The following COL6A2 variants were observed in gnomAD, a reference collection of about 807,000 sequenced individuals.
COL6A2 encodes collagen alpha-2(VI) chain.
In COL6A2, 90 loss-of-function variants were observed where a neutral mutation model predicts 124.9. The observed-to-expected ratio is 0.72, with a 90% CI of 0.61 to 0.86. The LOEUF (loss-of-function observed/expected upper bound fraction) is 0.86, where lower values mean the gene tolerates loss of function less well. Among genes scored for constraint, COL6A2 ranks in the 40% least tolerant of loss-of-function variants. COL6A2 has a pLI of 0.00. For missense variants in COL6A2, 1,607 were observed against 1,502.5 expected, an observed-to-expected ratio of 1.07 and a Z score of -1.15; for synonymous variants, 793 against 618.2, an observed-to-expected ratio of 1.28 and a Z score of -4.19.
At chr21:46,127,166 G>A (rs575299886) in intron 27 of COL6A2, among the ~76,000 whole-genome samples, 1 of 152,158 alleles carries the variant, frequency 6.6e-6, no homozygotes. Flanking sequence ...GTCCCCGGGG[G>A]CGTTAGGAGC....
chr21:46,123,909 G>GA (rs879756662), intron 21 of COL6A2, among the ~76,000 whole-genome samples: 73,746 of 142,340 alleles, frequency 0.52, 19,246 homozygotes, highest in Admixed American at 0.6. Flanking sequence ...ATGGATGGGT[G>GA]GGTGGATAGA....
rs756221937 is a variant in COL6A2 at position 46,126,491 on chromosome 21, CCT to C, written c.2423-7_2423-6del. ...GACCCTGGCCTGGCCCGGCCTCTCT[CCT>C]CTCTTCCAGACCCTCAGATCGTGTG... On this transcript the variant is annotated splice_polypyrimidine_tract_variant and intron_variant, in intron 26 of 27. Transcript: ENST00000300527. 1.6e-5 allele frequency: 26 copies of C among 1,612,650 alleles called. No homozygotes were observed. Among genetic ancestry groups the C allele is most frequent in the Middle Eastern group, 1.6e-4 (1 of 6,080 alleles).
intron 23 of COL6A2, 69 bp downstream of exon 23, chr21:46,124,989 T>G (rs1601247158): frequency 6.4e-7 from 1 of 1,574,454 alleles, no homozygotes; most frequent in Non-Finnish European, 8.7e-7. Context: ...GCAGCAGGGG[T>G]GGGGGAAGGT....
At position 46,117,858 on chromosome 21, in the gene COL6A2, C is replaced by T. The variant is rs759513214; in HGVS notation, c.1054-16C>T. On this transcript the variant is annotated splice_polypyrimidine_tract_variant and intron_variant, in intron 11 of 27. Coordinates refer to ENST00000300527, the MANE Select transcript of COL6A2 (RefSeq NM_001849.4). Reference sequence around the variant, plus strand: ...ACCCGCCGTGTGCCGAGCTCCACCTCTCACTCCTCTCTCAGGGCCCCGACG... The same window carrying T: ...ACCCGCCGTGTGCCGAGCTCCACCTTTCACTCCTCTCTCAGGGCCCCGACG... 1.2e-6 allele frequency: 2 copies of T among 1,607,482 alleles called. No homozygotes were observed. The highest frequency in any genetic ancestry group is 4.5e-5 in the East Asian group (2 of 44,648).
At chr21:46,111,429 C>A in intron 1 of COL6A2, 21 bp from the exon 2 acceptor site, 1 of 1,439,006 alleles carries the variant, frequency 6.9e-7, no homozygotes. Context: ...GGTGTCTGAG[C>A]GACCCCCACC....
chr21:46,128,810 T>A (rs905460230), intron 27 of COL6A2: 23 of 1,035,746 alleles, frequency 2.2e-5, no homozygotes, highest in South Asian at 1.4e-4. Flanking sequence ...GCAAGCTTTC[T>A]CAGGCGGGCT....
rs776870777 is a variant in COL6A2, at chr21:46,125,841, C to G, written c.2026C>G (p.Leu676Val). The part of the protein sequence containing the change: ...SHEGTFEAIQ[L>V]DDERIDSLSS... Reference sequence around the variant, plus strand: ...CGAGGGCACCTTTGAGGCCATCCAGCTGGACGACGAACGTATCGACTCCCT... The same window carrying G: ...CGAGGGCACCTTTGAGGCCATCCAGGTGGACGACGAACGTATCGACTCCCT... The change falls in exon 26 of 28, where the codon CTG becomes GTG. Residue 676 changes from leucine (L) to valine (V), a missense_variant. Coordinates refer to ENST00000300527, the MANE Select transcript of COL6A2 (RefSeq NM_001849.4). The G allele has an allele frequency of 6.2e-7, 1 of 1,612,918 alleles. No homozygotes were observed. Among genetic ancestry groups the G allele is most frequent in the East Asian group, 2.2e-5 (1 of 44,824 alleles).
intron 1 of COL6A2, among the ~76,000 whole-genome samples, 190 bp from the exon 2 acceptor site, chr21:46,111,255 AGGGTG>A (rs1329048028): frequency 6.6e-6 from 1 of 152,184 alleles, no homozygotes; most frequent in Non-Finnish European, 1.5e-5. Context: ...GACCCCACCC[AGGGTG>A]GGGCAAGAGG....
Position 46,124,873 on chromosome 21 carries a change from T to A in COL6A2, c.1735-12T>A, listed in dbSNP as rs764006208. On this transcript the variant is annotated splice_polypyrimidine_tract_variant and intron_variant, in intron 22 of 27. Coordinates refer to ENST00000300527, the MANE Select transcript of COL6A2 (RefSeq NM_001849.4). ...TGGCCCCAGAGTCTCAGCCTCATCC[T>A]TCCTTCCCCAGGGTGAGCCCGGCCC... is the stretch of plus-strand genomic sequence containing the variant. The A allele has an allele frequency of 6.2e-7, 1 of 1,612,732 alleles. No homozygotes were observed. Among genetic ancestry groups the A allele is most frequent in the Non-Finnish European group, 8.5e-7 (1 of 1,179,978 alleles).
At chr21:46,124,595 T>A (rs538737781) in intron 21 of COL6A2, 56 bp from the exon 22 acceptor site, 13 of 1,549,906 alleles carry the variant, frequency 8.4e-6, no homozygotes, top group African/African-American at 5.5e-5. Context: ...GGCCCTGCTG[T>A]GTGCAGGGAC....
chr21:46,121,485 C>T lies in COL6A2; in HGVS notation c.1459-71C>T, dbSNP rs972240111. On this transcript the variant is annotated intron_variant, in intron 17 of 27. Coordinates refer to ENST00000300527, the MANE Select transcript of COL6A2 (RefSeq NM_001849.4). Reference sequence around the variant, plus strand: ...GCCTGGTGGTCAGGGCTGGACGGGGCATGTCAGGTGACCCCTGGGCATGGC... The same window carrying T: ...GCCTGGTGGTCAGGGCTGGACGGGGTATGTCAGGTGACCCCTGGGCATGGC... The T allele has an allele frequency of 2.8e-6, 4 of 1,450,950 alleles. No homozygotes were observed. The African/African-American group carries it at 4.2e-5, about 15-fold the overall frequency. 89.9% of individuals were successfully genotyped at this position (1,450,950 alleles called of 1,614,324 possible). A position where few individuals can be genotyped will look rare whatever the true frequency, so the allele number is the denominator to read the frequency against.
chr21:46,132,189 G>A lies in COL6A2; in HGVS notation c.2697G>A (p.Thr899=), dbSNP rs11554669. 5.7e-5 allele frequency: 90 copies of A among 1,575,714 alleles called. No individual in the cohort carries two copies. Among genetic ancestry groups the A allele is most frequent in the Admixed American group, 1.5e-4 (8 of 54,318 alleles). Residue 899 remains threonine, a synonymous_variant, in exon 28 of 28, where the codon ACG becomes ACA. Coordinates refer to ENST00000300527, the MANE Select transcript of COL6A2 (RefSeq NM_001849.4). ...CCTTCCCGCTGAGCCACAACCTCAC[G>A]GCCATCCACGAGGCGCTGGAGACCA... ...QVAFPLSHNL[T]AIHEALETTQ...
rs549347602 is a variant in COL6A2 at position 46,113,053 on chromosome 21, G to A, written c.735+229G>A. On this transcript the variant is annotated intron_variant, in intron 4 of 27. Coordinates refer to ENST00000300527, the MANE Select transcript of COL6A2 (RefSeq NM_001849.4). ...AGCGTTAGGGTCACCCACAGAGCAC[G>A]TGTTACAAGGAGAGGTCGAGGGTCT... 61 of 614,250 alleles carry A rather than the reference G, an allele frequency of 9.9e-5. 1 individual carries two copies. Among genetic ancestry groups the A allele is most frequent in the South Asian group, 6.4e-4 (33 of 51,744 alleles). 38.0% of individuals were successfully genotyped at this position (614,250 alleles called of 1,614,324 possible).
intron 18 of COL6A2, among the ~76,000 whole-genome samples, 184 bp downstream of exon 18, chr21:46,121,802 C>G (rs1288633082): frequency 6.6e-6 from 1 of 152,162 alleles, no homozygotes; most frequent in African/African-American, 2.4e-5. Flanking sequence ...CCCTGGCTCT[C>G]CTCTTCAGCA....
Position 46,132,567 on chromosome 21 carries a change from C to T in COL6A2, c.*15C>T. The T allele has an allele frequency of 1.3e-6, 2 of 1,579,584 alleles. No individual in the cohort carries two copies. The highest frequency in any genetic ancestry group is 1.7e-6 in the Non-Finnish European group (2 of 1,168,514). The stretch of plus-strand genomic sequence containing the variant: ...GGATCTGCTAGCGCCGCCGCCCGGG[C>T]CCCGCAGTCGAGGGTCGTGAGCCCA... On this transcript the variant is annotated 3_prime_UTR_variant, in exon 28 of 28. Coordinates refer to ENST00000300527, the MANE Select transcript of COL6A2 (RefSeq NM_001849.4).
chr21:46,116,443 C>T lies in COL6A2; in HGVS notation c.927+40C>T, dbSNP rs1486037436. On this transcript the variant is annotated intron_variant, in intron 8 of 27. Transcript: ENST00000300527. This position sits in a 1 kb window ranked among gnomAD's most constrained non-coding sequence, Gnocchi z 4.6. The stretch of plus-strand genomic sequence containing the variant: ...CTGACAGACCTCAGACCTGCGCCAG[C>T]CTCGGCCCAGACCCACCTCTTGGCG... 4 of 1,612,058 alleles carry T rather than the reference C, an allele frequency of 2.5e-6. No homozygotes were observed. Among genetic ancestry groups the T allele is most frequent in the Non-Finnish European group, 3.4e-6 (4 of 1,179,610 alleles).
intron 1 of COL6A2, among the ~76,000 whole-genome samples, chr21:46,107,308 T>A (rs1329348853): frequency 6.6e-6 from 1 of 152,196 alleles, no homozygotes; most frequent in Non-Finnish European, 1.5e-5. Flanking sequence ...AGTCATGCCC[T>A]ACAAACCATA....
chr21:46,116,845 T>TGGTC lies in COL6A2; in HGVS notation c.999+32_999+35dup, dbSNP rs1568929770. 6.2e-7 allele frequency: 1 copy of TGGTC among 1,612,244 alleles called. No individual in the cohort carries two copies. Among genetic ancestry groups the TGGTC allele is most frequent in the Non-Finnish European group, 8.5e-7 (1 of 1,179,650 alleles). On this transcript the variant is annotated intron_variant, in intron 10 of 27. Transcript: ENST00000300527. The surrounding 1 kb of genome is among the most constrained non-coding windows in gnomAD (Gnocchi z 4.6). ...GGGAGCCTCGGGCTCACAGCTGGAC[T>TGGTC]GGTCTCACAGAGGCATCCCAGCCTC...
chr21:46,125,032 A>G, intron 23 of COL6A2, 112 bp downstream of exon 23: 1 of 1,331,866 alleles, frequency 7.5e-7, no homozygotes. Context: ...AGATCAGTGG[A>G]GGAGGTCAGA....
Sources: gnomAD v4.1 joint callset for allele counts (sites outside exome capture counted in the v4.1 genomes callset) on GRCh38, gnomAD v4.1.1 for gene constraint, Gnocchi (gnomAD v3.1) non-coding constraint, MANE v1.5 for transcripts, NCBI Gene and HGNC (gene_info 2026-07-23, HGNC 2026-07-21) for gene names.